PAG1: variants seen among roughly 807,000 people sequenced by gnomAD.
PAG1 encodes phosphoprotein membrane anchor with glycosphingolipid microdomains 1.
A neutral mutation model predicts 31.7 loss-of-function variants in PAG1; 23 were observed. That is an observed-to-expected ratio of 0.73 (90% CI 0.52 to 1.03). The LOEUF is 1.03. Ranked by LOEUF, PAG1 falls within the 50% of genes least tolerant of loss-of-function variation. The pLI is 0.00. For synonymous variants in PAG1, 214 were observed against 210.3 expected, an observed-to-expected ratio of 1.02 and a Z score of -0.15; for missense variants, 473 against 540.7, an observed-to-expected ratio of 0.87 and a Z score of 1.24.
chr8:81,003,448 C>G (rs899006949), intron 3 of PAG1, among the ~76,000 whole-genome samples: 1 of 152,174 alleles, frequency 6.6e-6, no homozygotes, highest in Non-Finnish European at 1.5e-5. Flanking sequence ...ATGATAAAGT[C>G]AGAGCTTTTG....
intron 3 of PAG1, among the ~76,000 whole-genome samples, chr8:80,995,120 A>G (rs1807645333): frequency 1.3e-5 from 2 of 152,252 alleles, no homozygotes; most frequent in Non-Finnish European, 2.9e-5. Context: ...ACACTGTCAC[A>G]TTTATTTGAA....
At chr8:81,053,983 C>G (rs1808774155) in intron 2 of PAG1, among the ~76,000 whole-genome samples, 1 of 152,128 alleles carries the variant, frequency 6.6e-6, no homozygotes, top group South Asian at 2.1e-4. Flanking sequence ...TGCACGAAAG[C>G]AGCCATCAAC....
chr8:81,075,711 T>G (rs1411969011), intron 1 of PAG1, among the ~76,000 whole-genome samples: 1 of 152,194 alleles, frequency 6.6e-6, no homozygotes, highest in Non-Finnish European at 1.5e-5. Flanking sequence ...CAAACCCAAG[T>G]GCACCTGATT....
chr8:81,024,039 G>A (rs1381386152), intron 3 of PAG1, among the ~76,000 whole-genome samples: 1 of 152,132 alleles, frequency 6.6e-6, no homozygotes, highest in African/African-American at 2.4e-5. Context: ...GGCTTGCAGT[G>A]TTTATGTGAG....
At chr8:80,979,989 A>G (rs1294824473) in intron 8 of PAG1, among the ~76,000 whole-genome samples, 1 of 152,194 alleles carries the variant, frequency 6.6e-6, no homozygotes, top group Admixed American at 6.5e-5. Context: ...ATCTGCTCTC[A>G]GCATCCAAAT....
chr8:81,033,434 AG>A (rs781064407), intron 2 of PAG1, among the ~76,000 whole-genome samples: 17 of 152,224 alleles, frequency 1.1e-4, no homozygotes, highest in Non-Finnish European at 1.8e-4. Context: ...AGAGATAATA[AG>A]GTTAATCACT....
At chr8:81,105,206 C>T (rs1031764274) in intron 1 of PAG1, among the ~76,000 whole-genome samples, 1 of 152,158 alleles carries the variant, frequency 6.6e-6, no homozygotes, top group Non-Finnish European at 1.5e-5. Flanking sequence ...GCACTGGTTC[C>T]AACTGCTGCT....
chr8:81,024,395 A>G (rs1808239939), intron 3 of PAG1, among the ~76,000 whole-genome samples: 1 of 152,214 alleles, frequency 6.6e-6, no homozygotes, highest in Admixed American at 6.5e-5. Flanking sequence ...GGCTCCTGGC[A>G]CACGGCCCCT....
intron 3 of PAG1, among the ~76,000 whole-genome samples, chr8:80,997,543 C>T (rs1807704881): frequency 6.6e-6 from 1 of 152,198 alleles, no homozygotes; most frequent in Admixed American, 6.5e-5. Context: ...GCATGAGCCA[C>T]CACACCCAGC....
rs1445217738 is a variant in PAG1 at position 80,976,842 on chromosome 8, A to G, written c.1001T>C (p.Leu334Pro). The G allele has an allele frequency of 6.2e-7, 1 of 1,613,596 alleles. No individual in the cohort carries two copies. The highest frequency in any genetic ancestry group is 1.3e-5 in the African/African-American group (1 of 74,998). The change falls in exon 9 of 9, where the codon CTT becomes CCT. Residue 334 changes from leucine (L) to proline (P), a missense_variant. By Grantham distance (98) the Leu-to-Pro change is moderately conservative. Transcript: ENST00000220597. Reference protein sequence around the residue: ...GQLVNKSGQSLTVPESTYTSI... With the variant: ...GQLVNKSGQSPTVPESTYTSI... ...GGTGTAGGTGGACTCCGGAACTGTA[A>G]GCGACTGCCCCGATTTATTCACTAA...
chr8:81,092,572 G>A (rs1276433254), intron 1 of PAG1, among the ~76,000 whole-genome samples: 1 of 152,196 alleles, frequency 6.6e-6, no homozygotes, highest in Non-Finnish European at 1.5e-5. Flanking sequence ...TCCCTCTACA[G>A]ATTCAGCAAC....
At chr8:80,984,742 C>T in intron 7 of PAG1, 34 bp downstream of exon 7, 3 of 1,594,320 alleles carry the variant, frequency 1.9e-6, no homozygotes, top group South Asian at 1.1e-5. Context: ...AGAACAGGAA[C>T]CCACAAAGAC....
In PAG1 at chr8:80,984,979, C is replaced by T. The variant is rs1807385497; in HGVS notation, c.673G>A (p.Ala225Thr). 1.2e-6 allele frequency: 2 copies of T among 1,614,084 alleles called. No homozygotes were observed. Among genetic ancestry groups the T allele is most frequent in the Non-Finnish European group, 1.7e-6 (2 of 1,180,040 alleles). The change falls in exon 7 of 9, where the codon GCT becomes ACT. Residue 225 changes from alanine (A) to threonine (T), a missense_variant. Coordinates refer to ENST00000220597, the MANE Select transcript of PAG1 (RefSeq NM_018440.4). The part of the protein sequence containing the change: ...GPQTEGKAEF[A>T]EYASVDRNKK... ...TTTCTGTCCACCGAGGCATATTCAG[C>T]AAACTCAGCTTTGCCTTCAGTCTGG...
chr8:81,084,075 G>A (rs143704043), intron 1 of PAG1, among the ~76,000 whole-genome samples: 4 of 151,664 alleles, frequency 2.6e-5, no homozygotes, highest in African/African-American at 4.8e-5. Flanking sequence ...TGGGAAATAC[G>A]ACTCAAAAAG....
intron 1 of PAG1, among the ~76,000 whole-genome samples, chr8:81,080,028 CCA>C (rs1485886886): frequency 3.3e-5 from 5 of 152,030 alleles, no homozygotes; most frequent in African/African-American, 1.2e-4. Flanking sequence ...TCAAGGCCTC[CCA>C]AAGTGCTGGG....
intron 7 of PAG1, among the ~76,000 whole-genome samples, chr8:80,982,374 T>C (rs1205126840): frequency 6.6e-6 from 1 of 152,160 alleles, no homozygotes; most frequent in Admixed American, 6.5e-5. Flanking sequence ...CACTCCTTCC[T>C]TCCTGGACAC....
intron 1 of PAG1, among the ~76,000 whole-genome samples, chr8:81,098,103 C>T (rs915700859): frequency 4.1e-4 from 63 of 152,166 alleles, no homozygotes; most frequent in African/African-American, 1.4e-3. Flanking sequence ...TTTACATTCA[C>T]GATGGGTCTA....
At chr8:81,096,945 T>G (rs1462295444) in intron 1 of PAG1, among the ~76,000 whole-genome samples, 3 of 152,250 alleles carry the variant, frequency 2.0e-5, no homozygotes, top group African/African-American at 7.2e-5. Context: ...ACTCATTCTC[T>G]TCAGCTGAAG....
chr8:81,041,554 A>G (rs567921376), intron 2 of PAG1, among the ~76,000 whole-genome samples: 1 of 152,248 alleles, frequency 6.6e-6, no homozygotes, highest in South Asian at 2.1e-4. Context: ...CTCTTTGATG[A>G]CTTTGCGGAG....
Sources: gnomAD v4.1 joint callset for allele counts (sites outside exome capture counted in the v4.1 genomes callset) on GRCh38, gnomAD v4.1.1 for gene constraint, MANE v1.5 for transcripts, NCBI Gene and HGNC (gene_info 2026-07-23, HGNC 2026-07-21) for gene names.